ITIH4: variants seen among roughly 807,000 people sequenced by gnomAD.
ITIH4 encodes inter-alpha-trypsin inhibitor heavy chain 4.
A neutral mutation model predicts 111.8 loss-of-function variants in ITIH4; 79 were observed. The ratio of observed to expected loss-of-function variants is 0.71; its 90% confidence interval spans 0.59 to 0.85. ITIH4 has a LOEUF of 0.85. Among genes scored for constraint, ITIH4 ranks in the 40% least tolerant of loss-of-function variants. The pLI is 0.00. For synonymous variants in ITIH4, 472 were observed against 468.3 expected (o/e 1.01, Z -0.10); for missense variants, 1,065 against 1,195.8 (o/e 0.89, Z 1.61).
chr3:52,824,418 C>T lies in ITIH4; in HGVS notation c.1024G>A (p.Ala342Thr), dbSNP rs1189870301. ...TTACCTCCCAGGGCCTGGATGCCCG[C>T]AGCAAAGCTCCTGGCCTTGTTCACG... The part of the protein sequence containing the change: ...ENVNKARSFA[A>T]GIQALGGTNI... Residue 342 changes from alanine (A) to threonine (T), a missense_variant, in exon 8 of 24, where the codon GCG (alanine) becomes ACG (threonine). Ala to Thr is a moderately conservative substitution (Grantham distance 58). Transcript: ENST00000266041. The surrounding 1 kb of genome is among the most constrained non-coding windows in gnomAD (Gnocchi z 4.3). 1 of 1,614,180 alleles carries T rather than the reference C, an allele frequency of 6.2e-7. No homozygotes were observed. The highest frequency in any genetic ancestry group is 1.1e-5 in the South Asian group (1 of 91,078).
intron 13 of ITIH4, 24 bp from the exon 14 acceptor site, chr3:52,820,341 A>G (rs1476605623): frequency 6.2e-7 from 1 of 1,611,444 alleles, no homozygotes; most frequent in South Asian, 1.1e-5. Context: ...AGAGAGAGAG[A>G]GAGACAGACA....
At position 52,819,711 on chromosome 3, in the gene ITIH4, C is replaced by G. The variant is rs150216819; in HGVS notation, c.1951+43G>C. ...TAATGGACCTCCCTCAAGCTCCCCC[C>G]CAGGGATGTCATGCCTCCCCCTGGC... On this transcript the variant is annotated intron_variant, in intron 16 of 23. Transcript: ENST00000266041. The G allele has an allele frequency of 7.9e-5, 127 of 1,605,408 alleles. No individual in the cohort carries two copies. In the East Asian group the frequency reaches 2.3e-3, roughly 28 times the overall value.
intron 2 of ITIH4, among the ~76,000 whole-genome samples, chr3:52,827,559 G>A (rs555247453): frequency 2.0e-5 from 3 of 152,274 alleles, no homozygotes; most frequent in South Asian, 2.1e-4. Flanking sequence ...TCCATTTCAC[G>A]GACTGTTCCA....
Position 52,819,378 on chromosome 3 carries a change from C to G in ITIH4, c.2077+15G>C. 1 of 1,613,794 alleles carries G rather than the reference C, an allele frequency of 6.2e-7. No individual in the cohort carries two copies. The highest frequency in any genetic ancestry group is 8.5e-7 in the Non-Finnish European group (1 of 1,179,782). On this transcript the variant is annotated intron_variant, in intron 17 of 23. Coordinates refer to ENST00000266041, the MANE Select transcript of ITIH4 (RefSeq NM_002218.5). ...TGGGAAACCGAGGCCCTCGCAGGGCCGGAAGGCAGCTTACAGATGGCCAGA... is the reference window on the plus strand; with the variant it reads ...TGGGAAACCGAGGCCCTCGCAGGGCGGGAAGGCAGCTTACAGATGGCCAGA...
Position 52,821,134 on chromosome 3 carries a change from G to C in ITIH4, c.1540-4C>G. On this transcript the variant is annotated splice_region_variant and splice_polypyrimidine_tract_variant and intron_variant, in intron 11 of 23. Coordinates refer to ENST00000266041, the MANE Select transcript of ITIH4 (RefSeq NM_002218.5). ...GGAAAGTGATGTTCTGTGTAGGCTGGAAAGAGGGGCCCAGCCAGGGCAGGA... is the reference window on the plus strand; with the variant it reads ...GGAAAGTGATGTTCTGTGTAGGCTGCAAAGAGGGGCCCAGCCAGGGCAGGA... 1 of 1,612,516 alleles carries C rather than the reference G, an allele frequency of 6.2e-7. No homozygotes were observed. The highest frequency in any genetic ancestry group is 1.1e-5 in the South Asian group (1 of 90,968).
At chr3:52,816,591 G>A (rs1700280745) in intron 21 of ITIH4, among the ~76,000 whole-genome samples, 1 of 152,162 alleles carries the variant, frequency 6.6e-6, no homozygotes, top group African/African-American at 2.4e-5. Flanking sequence ...AAGAAACTGA[G>A]GCTCAGAGGG....
chr3:52,818,005 G>T, intron 20 of ITIH4, 47 bp downstream of exon 20: 1 of 1,394,278 alleles, frequency 7.2e-7, no homozygotes, highest in Non-Finnish European at 1.0e-6. Context: ...GCAGGTGGTG[G>T]GTGTGTGCCA....
At chr3:52,815,351 C>A (rs1255712792) in intron 21 of ITIH4, among the ~76,000 whole-genome samples, 1 of 150,724 alleles carries the variant, frequency 6.6e-6, no homozygotes, top group Non-Finnish European at 1.5e-5. Context: ...TCAAGCGGTT[C>A]TCCTACCTCA....
chr3:52,821,565 C>G (rs1700381615), intron 11 of ITIH4, among the ~76,000 whole-genome samples: 1 of 152,184 alleles, frequency 6.6e-6, no homozygotes, highest in Non-Finnish European at 1.5e-5. Flanking sequence ...GGGTCAGAGG[C>G]AGAGTTGAGA....
chr3:52,813,594 C>T, intron 23 of ITIH4, 104 bp from the exon 24 acceptor site: 2 of 985,934 alleles, frequency 2.0e-6, no homozygotes, highest in South Asian at 1.3e-5. Context: ...GCAGGGAGTC[C>T]TGGCGTCCCT....
In ITIH4 at chr3:52,819,534, C is replaced by T. The variant is rs1402783340; in HGVS notation, c.1952-16G>A. 2.5e-6 allele frequency: 4 copies of T among 1,614,014 alleles called. No homozygotes were observed. Among genetic ancestry groups the T allele is most frequent in the Non-Finnish European group, 3.4e-6 (4 of 1,179,956 alleles). On this transcript the variant is annotated splice_polypyrimidine_tract_variant and intron_variant, in intron 16 of 23. Transcript: ENST00000266041. ...GCAGCTCCAGCTTTGGAGAAATCGA[C>T]AGATGCAGTCTTCTCTCAGGTGGGG... is the stretch of plus-strand genomic sequence containing the variant.
chr3:52,826,562 G>A lies in ITIH4; in HGVS notation c.609C>T (p.Thr203=), dbSNP rs769875984. 5.0e-6 allele frequency: 8 copies of A among 1,613,952 alleles called. No individual in the cohort carries two copies. Among genetic ancestry groups the A allele is most frequent in the Non-Finnish European group, 6.8e-6 (8 of 1,179,862 alleles). ...FMTNQLVDAL[T]TWQNKTKAHI... ...CCACCTTGGTCTTATTCTGCCAGGT[G>A]GTGAGGGCGTCTACCAGCTGGTTGG... The change falls in exon 5 of 24, where the codon ACC becomes ACT. Residue 203 remains threonine (T), a synonymous_variant. Coordinates refer to ENST00000266041, the MANE Select transcript of ITIH4 (RefSeq NM_002218.5).
At chr3:52,826,357 C>A (rs1054246152) in intron 5 of ITIH4, among the ~76,000 whole-genome samples, 184 bp downstream of exon 5, 2 of 152,222 alleles carry the variant, frequency 1.3e-5, no homozygotes, top group Admixed American at 6.5e-5. Context: ...CGCCATGGTC[C>A]TTCTCTAGGC....
At position 52,823,812 on chromosome 3, in the gene ITIH4, C is replaced by T. The variant is rs146165649; in HGVS notation, c.1353+11G>A. On this transcript the variant is annotated intron_variant, in intron 10 of 23. Transcript: ENST00000266041. ...ACTTCTCTGTGCAGCCCACCTGGGGCACACTGGCACCTGGAGCTGCAGGGC... is the reference window on the plus strand; with the variant it reads ...ACTTCTCTGTGCAGCCCACCTGGGGTACACTGGCACCTGGAGCTGCAGGGC... 1.7e-4 allele frequency: 279 copies of T among 1,613,764 alleles called. 5 individuals are homozygous for T. In the East Asian group the frequency reaches 6.2e-3, roughly 36 times the overall value.
chr3:52,818,873 G>A, intron 17 of ITIH4: 1 of 356,962 alleles, frequency 2.8e-6, no homozygotes, highest in South Asian at 3.5e-5. Context: ...TGAAAGTAAA[G>A]GACAGGTGAA....
chr3:52,813,502 A>C lies in ITIH4; in HGVS notation c.2724-12T>G. The C allele has an allele frequency of 6.2e-7, 1 of 1,613,174 alleles. No individual in the cohort carries two copies. Among genetic ancestry groups the C allele is most frequent in the Non-Finnish European group, 8.5e-7 (1 of 1,179,146 alleles). The stretch of plus-strand genomic sequence containing the variant: ...CCAGCCTGCGCTCTCTGAAATGGAA[A>C]GACAGACAGATAGGCAGGTGGTCAG... On this transcript the variant is annotated splice_polypyrimidine_tract_variant and intron_variant, in intron 23 of 23. Transcript: ENST00000266041.
At chr3:52,819,163 C>G in intron 17 of ITIH4, 2 of 524,886 alleles carry the variant, frequency 3.8e-6, no homozygotes, top group Non-Finnish European at 6.9e-6. Context: ...CAGGGGGCAG[C>G]TGCAAAGAGC....
At chr3:52,817,802 GCTCAC>G (rs1214909933) in intron 20 of ITIH4, among the ~76,000 whole-genome samples, 3 of 152,232 alleles carry the variant, frequency 2.0e-5, no homozygotes, top group African/African-American at 7.2e-5. Context: ...CCTCCTCTAG[GCTCAC>G]CTCCACATGG....
chr3:52,828,749 G>A (rs1004937127), intron 2 of ITIH4, among the ~76,000 whole-genome samples: 1 of 152,196 alleles, frequency 6.6e-6, no homozygotes, highest in African/African-American at 2.4e-5. Flanking sequence ...GAAGCCAAGG[G>A]TCTAGAAGGT....
Sources: allele counts gnomAD v4.1 joint callset (sites outside exome capture counted in the v4.1 genomes callset), GRCh38; gene constraint gnomAD v4.1.1; non-coding constraint Gnocchi (gnomAD v3.1); transcripts MANE v1.5; gene names NCBI Gene and HGNC (gene_info 2026-07-23, HGNC 2026-07-21).